The following RAB20 variants were observed in gnomAD, a reference collection of about 807,000 sequenced individuals.
The protein encoded by RAB20 is ras-related protein Rab-20.
Under a neutral mutation model 3.7 loss-of-function variants are expected in RAB20, and 2 were observed. The ratio of observed to expected loss-of-function variants is 0.54; its 90% CI spans 0.22 to 1.69. The LOEUF is 1.69. Ranked by LOEUF, RAB20 falls within the 40% of genes most tolerant of loss-of-function variation. The probability of loss-of-function intolerance (pLI) is 0.19; values close to 1 mark genes in which losing one functional copy is unlikely to be tolerated. For synonymous variants in RAB20, 126 were observed against 130.8 expected (o/e 0.96, Z 0.25); for missense variants, 276 against 311.9 (o/e 0.88, Z 0.87).
At position 110,523,199 on chromosome 13, in the gene RAB20, G is replaced by C; in HGVS notation, c.*466C>G. ...AGGATTATAAAGCATCAAGATACAA[G>C]TACCAAGTGGGAGGACCAAAGACAA... On this transcript the variant is annotated 3_prime_UTR_variant, in exon 2 of 2. Coordinates refer to ENST00000267328, the MANE Select transcript of RAB20 (RefSeq NM_017817.3). 1 of 405,988 alleles carries C rather than the reference G, an allele frequency of 2.5e-6. No homozygotes were observed. Among genetic ancestry groups the C allele is most frequent in the Non-Finnish European group, 4.3e-6 (1 of 230,800 alleles). 25.1% of individuals were successfully genotyped at this position (405,988 alleles called of 1,614,324 possible).
At chr13:110,532,350 C>A (rs1323433043) in intron 1 of RAB20, among the ~76,000 whole-genome samples, 1 of 152,200 alleles carries the variant, frequency 6.6e-6, no homozygotes, top group Non-Finnish European at 1.5e-5. Context: ...AATGCAAACA[C>A]TGAGACAACA....
intron 1 of RAB20, among the ~76,000 whole-genome samples, chr13:110,539,890 G>A (rs1005790866): frequency 1.3e-5 from 2 of 152,180 alleles, no homozygotes; most frequent in African/African-American, 4.8e-5. Context: ...AAATCTGCAT[G>A]TGTCATTTCT....
At chr13:110,535,339 C>A (rs1019680498) in intron 1 of RAB20, among the ~76,000 whole-genome samples, 7 of 151,778 alleles carry the variant, frequency 4.6e-5, no homozygotes, top group Admixed American at 2.0e-4. Flanking sequence ...CCACCCTGAA[C>A]ACCAGGTACA....
chr13:110,561,230 G>A, intron 1 of RAB20, 118 bp downstream of exon 1: 5 of 1,272,216 alleles, frequency 3.9e-6, no homozygotes, highest in Non-Finnish European at 3.1e-6. Context: ...CCGAGAAGGA[G>A]GCATTTGCTG....
intron 1 of RAB20, among the ~76,000 whole-genome samples, chr13:110,545,339 ATT>A (rs1884833859): frequency 6.6e-6 from 1 of 152,232 alleles, no homozygotes; most frequent in African/African-American, 2.4e-5. Flanking sequence ...ACTCATAAAA[ATT>A]TAAAAAGTAT....
Position 110,561,672 on chromosome 13 carries a change from C to A in RAB20, c.-153G>T. On this transcript the variant is annotated 5_prime_UTR_variant, in exon 1 of 2. Coordinates refer to ENST00000267328, the MANE Select transcript of RAB20 (RefSeq NM_017817.3). ...ACCTTCGCCTCCGGACGCCCGGGAG[C>A]TCAAGAGAGGAAGCGCGTGTGCGCG... 1 of 1,315,554 alleles carries A rather than the reference C, an allele frequency of 7.6e-7. No homozygotes were observed. Among genetic ancestry groups the A allele is most frequent in the Non-Finnish European group, 9.9e-7 (1 of 1,013,320 alleles). The allele number at this position is 1,315,554 out of a possible 1,614,324, so 81.5% of individuals were successfully genotyped here. A position where few individuals can be genotyped will look rare whatever the true frequency, so the allele number is the denominator to read the frequency against.
chr13:110,555,745 C>T lies in RAB20; in HGVS notation c.172+5603G>A, dbSNP rs1194920522. On this transcript the variant is annotated intron_variant, in intron 1 of 1. Transcript: ENST00000267328. The surrounding 1 kb of genome is among the most constrained non-coding windows in gnomAD (Gnocchi z 4.0). ...CAGCAAAGGAAGAAATTCAATATGG[C>T]CAGGTCTCCCAGGTTGCTGAGCCCT... 6.6e-6 allele frequency among the ~76,000 whole-genome samples: 1 copy of T among 152,218 alleles called. No individual in the cohort carries two copies. The highest frequency in any genetic ancestry group is 1.5e-5 in the Non-Finnish European group (1 of 68,036).
At chr13:110,554,459 C>A (rs1885006068) in intron 1 of RAB20, among the ~76,000 whole-genome samples, 1 of 152,214 alleles carries the variant, frequency 6.6e-6, no homozygotes, top group African/African-American at 2.4e-5. Context: ...GAGCTGAACT[C>A]TCCCTCTCAT....
At chr13:110,536,575 C>A (rs189143876) in intron 1 of RAB20, among the ~76,000 whole-genome samples, 1 of 151,974 alleles carries the variant, frequency 6.6e-6, no homozygotes, top group Admixed American at 6.6e-5. Flanking sequence ...GAGGATGGGC[C>A]GGAGAACACT....
intron 1 of RAB20, among the ~76,000 whole-genome samples, chr13:110,538,991 C>G (rs1186933995): frequency 6.6e-6 from 1 of 152,150 alleles, no homozygotes; most frequent in Non-Finnish European, 1.5e-5. Flanking sequence ...TGACAACAAC[C>G]CTACCCCTCT....
At chr13:110,552,191 C>G (rs1884964399) in intron 1 of RAB20, among the ~76,000 whole-genome samples, 1 of 150,788 alleles carries the variant, frequency 6.6e-6, no homozygotes, top group Admixed American at 6.6e-5. Context: ...CTCGCCTGAC[C>G]AACATGGTGA....
chr13:110,536,063 G>T (rs933570817), intron 1 of RAB20, among the ~76,000 whole-genome samples: 3 of 152,300 alleles, frequency 2.0e-5, no homozygotes, highest in South Asian at 4.1e-4. Flanking sequence ...CCTTATTAGA[G>T]AAGACACCCG....
At chr13:110,535,770 A>T (rs1232443572) in intron 1 of RAB20, among the ~76,000 whole-genome samples, 1 of 152,252 alleles carries the variant, frequency 6.6e-6, no homozygotes, top group Non-Finnish European at 1.5e-5. Flanking sequence ...CCATGCTCTC[A>T]GCCCAGCAGC....
Position 110,524,070 on chromosome 13 carries a change from G to A in RAB20, c.300C>T (p.Asp100=). ...CAAAGAGGCAGTCTTTGCTGGCTGT[G>A]TCTGTCAGGCCCAGGAACCGGTCCT... The part of the protein sequence containing the change: ...ELEDRFLGLT[D]TASKDCLFAI... The change falls in exon 2 of 2, where the codon GAC becomes GAT. Residue 100 remains aspartate, a synonymous_variant. Transcript: ENST00000267328. 1 of 1,613,924 alleles carries A rather than the reference G, an allele frequency of 6.2e-7. No individual in the cohort carries two copies. The highest frequency in any genetic ancestry group is 1.1e-5 in the South Asian group (1 of 91,084).
rs975505923 is a variant in RAB20 at position 110,558,994 on chromosome 13, C to A, written c.172+2354G>T. Reference sequence around the variant, plus strand: ...TACAGGCATGAGCCACCACGCCTGGCCCCATCTTTAACATGCAAATAATCA... The same window carrying A: ...TACAGGCATGAGCCACCACGCCTGGACCCATCTTTAACATGCAAATAATCA... On this transcript the variant is annotated intron_variant, in intron 1 of 1. Transcript: ENST00000267328. Among the ~76,000 whole-genome samples, 6 of 152,246 alleles carry A rather than the reference C, an allele frequency of 3.9e-5. No individual in the cohort carries two copies. The East Asian group carries it at 1.2e-3, about 29-fold the overall frequency.
chr13:110,541,621 G>C (rs1183135222), intron 1 of RAB20, among the ~76,000 whole-genome samples: 1 of 152,168 alleles, frequency 6.6e-6, no homozygotes, highest in Admixed American at 6.5e-5. Flanking sequence ...AAGTTAGCAG[G>C]GAACTGCCTG....
intron 1 of RAB20, among the ~76,000 whole-genome samples, chr13:110,530,841 GGTTT>G (rs1384553975): frequency 6.6e-6 from 1 of 152,222 alleles, no homozygotes; most frequent in African/African-American, 2.4e-5. Context: ...GGTCCCACCA[GGTTT>G]GTTTCTCGAA....
Position 110,555,955 on chromosome 13 carries a change from G to T in RAB20, c.172+5393C>A, listed in dbSNP as rs1885031823. Among the ~76,000 whole-genome samples the T allele has an allele frequency of 1.3e-5, 2 of 152,172 alleles. No homozygotes were observed. The highest frequency in any genetic ancestry group is 4.1e-4 in the South Asian group (2 of 4,826). On this transcript the variant is annotated intron_variant, in intron 1 of 1. Coordinates refer to ENST00000267328, the MANE Select transcript of RAB20 (RefSeq NM_017817.3). This position sits in a 1 kb window ranked among gnomAD's most constrained non-coding sequence, Gnocchi z 4.0. Reference sequence around the variant, plus strand: ...GTAACCTCAGTGACAGGCACCCAAGGCCAGGAGACAATGTTTGTTTAGCAA... The same window carrying T: ...GTAACCTCAGTGACAGGCACCCAAGTCCAGGAGACAATGTTTGTTTAGCAA...
chr13:110,524,728 T>C (rs1382255670), intron 1 of RAB20, among the ~76,000 whole-genome samples: 1 of 152,214 alleles, frequency 6.6e-6, no homozygotes, highest in Non-Finnish European at 1.5e-5. Flanking sequence ...GGAGGGCTTC[T>C]GAGTTCATAA....
Sources: allele counts gnomAD v4.1 joint callset (sites outside exome capture counted in the v4.1 genomes callset), GRCh38; gene constraint gnomAD v4.1.1; non-coding constraint Gnocchi (gnomAD v3.1); transcripts MANE v1.5; gene names NCBI Gene and HGNC (gene_info 2026-07-23, HGNC 2026-07-21).